NRG3: variants seen among roughly 807,000 people sequenced by gnomAD.
NRG3 encodes the protein pro-neuregulin-3, membrane-bound isoform.
NRG3 carries 31 observed loss-of-function variants against 66.9 expected under a neutral mutation model. The ratio of observed to expected loss-of-function variants is 0.46; its 90% CI spans 0.35 to 0.63. The LOEUF (loss-of-function observed/expected upper bound fraction) is 0.63. Among genes scored for constraint, NRG3 ranks in the 20% least tolerant of loss-of-function variants. The pLI is 0.00. For missense variants in NRG3, 910 were observed against 878.9 expected, an observed-to-expected ratio of 1.04 and a Z score of -0.45; for synonymous variants, 393 against 359.4, an observed-to-expected ratio of 1.09 and a Z score of -1.06.
At chr10:82,682,458 A>C (rs1171018226) in intron 2 of NRG3, among the ~76,000 whole-genome samples, 1 of 152,124 alleles carries the variant, frequency 6.6e-6, no homozygotes, top group African/African-American at 2.4e-5. Flanking sequence ...GGAGATAGAA[A>C]ATGTCTTTGT....
At chr10:82,656,829 A>C (rs932990547) in intron 2 of NRG3, among the ~76,000 whole-genome samples, 1 of 152,092 alleles carries the variant, frequency 6.6e-6, no homozygotes, top group Admixed American at 6.6e-5. Flanking sequence ...AACCCCCTCA[A>C]AATTGGAAAA....
intron 4 of NRG3, among the ~76,000 whole-genome samples, chr10:82,908,897 G>C (rs1180992175): frequency 6.8e-6 from 1 of 147,766 alleles, no homozygotes; most frequent in Non-Finnish European, 1.5e-5. Context: ...AGGTAGTGTA[G>C]TGAGTAGACA....
intron 3 of NRG3, among the ~76,000 whole-genome samples, chr10:82,791,310 G>GT (rs745379833): frequency 3.7e-4 from 52 of 140,828 alleles, no homozygotes; most frequent in African/African-American, 1.2e-3. Context: ...TTTTTTTTTT[G>GT]GTTTTTTTTT....
At chr10:82,792,837 C>A (rs774767237) in intron 3 of NRG3, among the ~76,000 whole-genome samples, 10 of 151,932 alleles carry the variant, frequency 6.6e-5, no homozygotes, top group Non-Finnish European at 8.8e-5. Flanking sequence ...TGTGCCACAA[C>A]GCCCAGCTAA....
At chr10:82,265,677 A>G (rs989414502) in intron 1 of NRG3, among the ~76,000 whole-genome samples, 4 of 152,204 alleles carry the variant, frequency 2.6e-5, no homozygotes, top group African/African-American at 9.7e-5. Context: ...TGGACCATCT[A>G]CATGCTTACT....
intron 2 of NRG3, among the ~76,000 whole-genome samples, chr10:82,629,033 G>A (rs899271562): frequency 6.6e-6 from 1 of 152,138 alleles, no homozygotes; most frequent in Non-Finnish European, 1.5e-5. Flanking sequence ...TTATTCAAAT[G>A]TTAAGTGAGC....
intron 1 of NRG3, among the ~76,000 whole-genome samples, chr10:82,331,320 A>G (rs1364418737): frequency 6.6e-6 from 1 of 152,194 alleles, no homozygotes; most frequent in African/African-American, 2.4e-5. Context: ...TTTCCATGCA[A>G]GTGCTATTTT....
intron 1 of NRG3, among the ~76,000 whole-genome samples, chr10:81,945,420 A>G (rs1297091697): frequency 1.3e-5 from 2 of 152,126 alleles, no homozygotes; most frequent in African/African-American, 2.4e-5. Context: ...GAAAAGTTGT[A>G]AGAGCCTTAA....
At chr10:81,961,122 G>T (rs972215941) in intron 1 of NRG3, among the ~76,000 whole-genome samples, 1 of 152,090 alleles carries the variant, frequency 6.6e-6, no homozygotes, top group Non-Finnish European at 1.5e-5. Context: ...AATGAAGGAG[G>T]TGTGACTTGG....
At chr10:82,910,440 C>T (rs1429844636) in intron 4 of NRG3, among the ~76,000 whole-genome samples, 1 of 152,240 alleles carries the variant, frequency 6.6e-6, no homozygotes, top group African/African-American at 2.4e-5. Context: ...TAAGTGTAAA[C>T]TTGCTGTGTT....
At chr10:82,920,525 G>T (rs758832974) in intron 4 of NRG3, among the ~76,000 whole-genome samples, 1 of 152,102 alleles carries the variant, frequency 6.6e-6, no homozygotes, top group South Asian at 2.1e-4. Flanking sequence ...TGCCCTGTCA[G>T]TTGAGAGAGC....
At chr10:82,857,706 C>A (rs1407064144) in intron 3 of NRG3, among the ~76,000 whole-genome samples, 1 of 152,114 alleles carries the variant, frequency 6.6e-6, no homozygotes, top group East Asian at 1.9e-4. Flanking sequence ...GTATCAATTT[C>A]TTTTGATTAA....
At chr10:82,302,264 A>G (rs1369007974) in intron 1 of NRG3, among the ~76,000 whole-genome samples, 1 of 152,004 alleles carries the variant, frequency 6.6e-6, no homozygotes, top group African/African-American at 2.4e-5. Context: ...AGTTATTGCA[A>G]AAAAAATCTA....
chr10:82,830,218 A>C lies in NRG3; in HGVS notation c.1028-35193A>C, dbSNP rs530020513. ...GTCCTAATCGGTTTAACTTTGTATA[A>C]ACACTCAGATATCTTGCATTTCTTT... On this transcript the variant is annotated intron_variant, in intron 3 of 8. Transcript: ENST00000372141. Among the ~76,000 whole-genome samples the C allele has an allele frequency of 3.3e-5, 5 of 152,302 alleles. No individual in the cohort carries two copies. In the South Asian group the frequency reaches 8.3e-4, roughly 25 times the overall value.
chr10:82,215,870 G>A (rs1236351296), intron 1 of NRG3, among the ~76,000 whole-genome samples: 1 of 151,442 alleles, frequency 6.6e-6, no homozygotes, highest in African/African-American at 2.4e-5. Flanking sequence ...AATCATCTAT[G>A]GTAAATGTGT....
At chr10:82,729,795 C>G (rs1223830022) in intron 2 of NRG3, among the ~76,000 whole-genome samples, 1 of 152,176 alleles carries the variant, frequency 6.6e-6, no homozygotes, top group Non-Finnish European at 1.5e-5. Context: ...GTACGGCTAG[C>G]TGCTGGACAC....
At chr10:82,387,725 C>T (rs925147666) in intron 2 of NRG3, among the ~76,000 whole-genome samples, 4 of 152,076 alleles carry the variant, frequency 2.6e-5, no homozygotes, top group Admixed American at 6.5e-5. Context: ...AACTCACCCA[C>T]CATCTTTGTT....
chr10:81,879,391 G>A lies in NRG3; in HGVS notation c.823+3228G>A, dbSNP rs558606144. ...ACAATCAGCCTTTCCCTTTTACAGC[G>A]CCTTCAATTTCGTTTTCAGATTTGA... On this transcript the variant is annotated intron_variant, in intron 1 of 8. Transcript: ENST00000372141. Among the ~76,000 whole-genome samples the A allele has an allele frequency of 7.9e-5, 12 of 152,270 alleles. No individual in the cohort carries two copies. The South Asian group carries it at 1.4e-3, about 18-fold the overall frequency.
chr10:82,483,056 C>A lies in NRG3; in HGVS notation c.953+124188C>A, dbSNP rs538764049. On this transcript the variant is annotated intron_variant, in intron 2 of 8. Transcript: ENST00000372141. ...CTTCAGTTCAAAAAATTCCAACATT[C>A]AAAGTTTCTGTCCAGGAAAGGCAGG... Among the ~76,000 whole-genome samples the A allele has an allele frequency of 5.3e-5, 8 of 152,198 alleles. No individual in the cohort carries two copies. The South Asian group carries it at 1.5e-3, about 28-fold the overall frequency.
Sources: allele counts gnomAD v4.1 joint callset (sites outside exome capture counted in the v4.1 genomes callset), GRCh38; gene constraint gnomAD v4.1.1; transcripts MANE v1.5; gene names NCBI Gene and HGNC (gene_info 2026-07-23, HGNC 2026-07-21).